CAST: variants seen among roughly 807,000 people sequenced by gnomAD.
CAST encodes calpastatin, also known as MIR583 host.
In CAST, 76 loss-of-function variants were observed where a neutral mutation model predicts 119.6. That is an observed-to-expected ratio of 0.64 (90% CI 0.53 to 0.77). The LOEUF is 0.77. CAST is among the 30% of genes least tolerant of loss of function. The probability of loss-of-function intolerance (pLI) is 0.00; values close to 1 mark genes in which losing one functional copy is unlikely to be tolerated. For synonymous variants in CAST, 319 were observed against 331.6 expected (o/e 0.96, Z 0.41); for missense variants, 953 against 946.5 (o/e 1.01, Z -0.09).
chr5:96,749,449 A>C (rs1764483242), intron 19 of CAST, among the ~76,000 whole-genome samples: 1 of 152,234 alleles, frequency 6.6e-6, no homozygotes, highest in South Asian at 2.1e-4. Context: ...ATTAATGACC[A>C]TCTGCTGAGC....
the CAST span, among the ~76,000 whole-genome samples, chr5:96,461,572 A>G: frequency 1.3e-5 from 2 of 152,196 alleles, no homozygotes; most frequent in Admixed American, 6.5e-5. Context: ...TTTAGATTAG[A>G]TAGAATGATT....
chr5:96,752,223 G>A (rs1396925789), intron 20 of CAST, among the ~76,000 whole-genome samples: 1 of 152,300 alleles, frequency 6.6e-6, no homozygotes, highest in Non-Finnish European at 1.5e-5. Flanking sequence ...AGAAGTTTTA[G>A]TCCTTACTCC....
the CAST span, chr5:96,392,278 G>T: frequency 6.6e-6 from 1 of 152,058 alleles, no homozygotes; most frequent in African/African-American, 2.4e-5. Flanking sequence ...AGAAACAGAG[G>T]AAAGACCAGG....
chr5:96,509,081 G>A, the CAST span, among the ~76,000 whole-genome samples: 2 of 152,192 alleles, frequency 1.3e-5, no homozygotes, highest in African/African-American at 4.8e-5. Flanking sequence ...ATCTTTCAAA[G>A]TGAATCCTAA....
At chr5:96,347,916 G>C in the CAST span, among the ~76,000 whole-genome samples, 3 of 152,154 alleles carry the variant, frequency 2.0e-5, no homozygotes, top group African/African-American at 7.2e-5. Flanking sequence ...GAAGAACACA[G>C]TAGTTCAGAG....
At chr5:96,090,181 T>C in the CAST span, among the ~76,000 whole-genome samples, 1 of 152,304 alleles carries the variant, frequency 6.6e-6, no homozygotes, top group East Asian at 1.9e-4. Flanking sequence ...CTTCAGGTTG[T>C]TATGTTGGTG....
At chr5:96,143,172 A>G in the CAST span, among the ~76,000 whole-genome samples, 443 of 152,334 alleles carry the variant, frequency 2.9e-3, 4 homozygotes, top group Non-Finnish European at 5.1e-3. Flanking sequence ...ATGTATATAT[A>G]AACAATATTT....
intron 29 of CAST, among the ~76,000 whole-genome samples, chr5:96,768,714 C>T (rs1187739908): frequency 1.3e-5 from 2 of 152,172 alleles, no homozygotes; most frequent in Non-Finnish European, 2.9e-5. Context: ...TGCTCATTTG[C>T]TCTCTGGAGC....
chr5:96,711,767 T>C (rs1756210394), intron 3 of CAST, among the ~76,000 whole-genome samples: 1 of 152,230 alleles, frequency 6.6e-6, no homozygotes, highest in African/African-American at 2.4e-5. Context: ...ACTTAAACAC[T>C]GGAAATCAAT....
At chr5:96,429,752 C>A in the CAST span, among the ~76,000 whole-genome samples, 2 of 152,148 alleles carry the variant, frequency 1.3e-5, no homozygotes, top group South Asian at 4.1e-4. Context: ...TAATGGCCTC[C>A]AGCTCCATCC....
At chr5:95,995,839 G>T in the CAST span, among the ~76,000 whole-genome samples, 2 of 152,080 alleles carry the variant, frequency 1.3e-5, no homozygotes, top group Non-Finnish European at 2.9e-5. Context: ...CCAGATCTGG[G>T]CAATGAGAAT....
At chr5:96,742,399 T>G (rs1245831962) in intron 15 of CAST, 1 of 423,590 alleles carries the variant, frequency 2.4e-6, no homozygotes, top group Non-Finnish European at 4.3e-6. Flanking sequence ...TATGTCTAGC[T>G]TACCAAATAA....
the CAST span, among the ~76,000 whole-genome samples, chr5:96,240,382 T>C: frequency 6.6e-6 from 1 of 152,124 alleles, no homozygotes; most frequent in East Asian, 1.9e-4. Context: ...TCTCCATGTT[T>C]GGTGAAGCTG....
chr5:96,137,918 T>C, the CAST span, among the ~76,000 whole-genome samples: 2 of 152,060 alleles, frequency 1.3e-5, no homozygotes, highest in Non-Finnish European at 2.9e-5. Flanking sequence ...TTTGCAGTTT[T>C]TTTTCTCCCA....
chr5:96,287,160 C>CT, the CAST span, among the ~76,000 whole-genome samples: 1 of 152,034 alleles, frequency 6.6e-6, no homozygotes, highest in Non-Finnish European at 1.5e-5. Flanking sequence ...AGACAAACAT[C>CT]TTTTTTTCAT....
intron 2 of CAST, among the ~76,000 whole-genome samples, chr5:96,689,879 G>T (rs996920015): frequency 5.9e-5 from 9 of 151,944 alleles, no homozygotes; most frequent in African/African-American, 2.2e-4. Context: ...TTTCTTCCTT[G>T]TGTGATGCCC....
the CAST span, among the ~76,000 whole-genome samples, chr5:96,094,682 C>T: frequency 2.6e-5 from 4 of 152,078 alleles, no homozygotes; most frequent in Non-Finnish European, 5.9e-5. Context: ...GGGTGTTGAA[C>T]GCTAGCTGTT....
the CAST span, among the ~76,000 whole-genome samples, chr5:96,107,478 T>A: frequency 6.6e-6 from 1 of 152,010 alleles, no homozygotes; most frequent in Non-Finnish European, 1.5e-5. Context: ...CTCCTTCACT[T>A]ATGAAGCTTA....
chr5:96,234,108 C>T, the CAST span, among the ~76,000 whole-genome samples: 2 of 152,166 alleles, frequency 1.3e-5, no homozygotes, highest in African/African-American at 4.8e-5. Context: ...GGCTTATATT[C>T]AGGAAATGTA....
Sources: gnomAD v4.1 joint callset for allele counts (sites outside exome capture counted in the v4.1 genomes callset) on GRCh38, gnomAD v4.1.1 for gene constraint, MANE v1.5 for transcripts, NCBI Gene and HGNC (gene_info 2026-07-23, HGNC 2026-07-21) for gene names.